Variants in CCDC142 observed in about 807,000 individuals in gnomAD.
CCDC142 encodes the protein coiled-coil domain containing 142, also known as coiled-coil domain-containing protein 142.
Under a neutral mutation model 83.8 loss-of-function variants are expected in CCDC142, and 67 were observed. The observed-to-expected ratio is 0.80, with a 90% CI of 0.66 to 0.98. The LOEUF (loss-of-function observed/expected upper bound fraction) is 0.98. Ranked by LOEUF, CCDC142 falls within the 50% of genes least tolerant of loss-of-function variation. CCDC142 has a pLI of 0.00. For synonymous variants in CCDC142, 421 were observed against 421.2 expected, an observed-to-expected ratio of 1.00 and a Z score of 0.01; for missense variants, 905 against 946.8, an observed-to-expected ratio of 0.96 and a Z score of 0.58.
chr2:74,480,646 G>T, intron 5 of CCDC142, 123 bp downstream of exon 5: 4 of 536,960 alleles, frequency 7.4e-6, no homozygotes, highest in Non-Finnish European at 1.3e-5. Context: ...AGCAAAAAAA[G>T]ATACATTTAG....
chr2:74,482,846 G>T lies in CCDC142; in HGVS notation c.-9C>A. The stretch of plus-strand genomic sequence containing the variant: ...CGAGACGCCTGGGCCATGGGGCGGC[G>T]GGTCCAGAACGAACCTAACGATTCC... On this transcript the variant is annotated 5_prime_UTR_variant, in exon 1 of 9. Transcript: ENST00000393965. This position sits in a 1 kb window ranked among gnomAD's most constrained non-coding sequence, Gnocchi z 5.0. 6.3e-7 allele frequency: 1 copy of T among 1,595,694 alleles called. No homozygotes were observed.
In CCDC142 at chr2:74,482,698, G is replaced by T; in HGVS notation, c.140C>A (p.Pro47Gln). The change falls in exon 1 of 9, where the codon CCG becomes CAG. Residue 47 changes from proline (P) to glutamine (Q), a missense_variant. Coordinates refer to ENST00000393965, the MANE Select transcript of CCDC142 (RefSeq NM_001365575.2). The surrounding 1 kb of genome is among the most constrained non-coding windows in gnomAD (Gnocchi z 5.0). Reference protein sequence around the residue: ...GGLRWEVHCWPSGTSGGTPWW... With the variant: ...GGLRWEVHCWQSGTSGGTPWW... ...CGGCGTCCCTCCAGAAGTTCCGCTC[G>T]GCCAGCAGTGAACCTCCCAGCGAAG... 6.2e-7 allele frequency: 1 copy of T among 1,609,028 alleles called. No homozygotes were observed. Among genetic ancestry groups the T allele is most frequent in the African/African-American group, 1.3e-5 (1 of 75,068 alleles).
intron 5 of CCDC142, among the ~76,000 whole-genome samples, chr2:74,479,150 C>T (rs1168921315): frequency 6.6e-6 from 1 of 151,336 alleles, no homozygotes; most frequent in Non-Finnish European, 1.5e-5. Context: ...GCCAAGATCA[C>T]ATAACTGCAC....
chr2:74,481,781 A>C, intron 1 of CCDC142, 36 bp downstream of exon 1: 2 of 1,580,756 alleles, frequency 1.3e-6, no homozygotes, highest in Non-Finnish European at 8.6e-7. Flanking sequence ...AAGAGACCCC[A>C]GCCTTCCCAA....
rs781518911 is a variant in CCDC142 at position 74,481,097 on chromosome 2, G to T, written c.1259-11C>A. On this transcript the variant is annotated splice_polypyrimidine_tract_variant and intron_variant, in intron 3 of 8. Transcript: ENST00000393965. Reference sequence around the variant, plus strand: ...CGACAGGCGCAGGATCTGGGGATTTGAGCAGCAGAGTGAGTATCTTAGGGG... The same window carrying T: ...CGACAGGCGCAGGATCTGGGGATTTTAGCAGCAGAGTGAGTATCTTAGGGG... 4 of 1,609,338 alleles carry T rather than the reference G, an allele frequency of 2.5e-6. No individual in the cohort carries two copies. The highest frequency in any genetic ancestry group is 1.3e-5 in the African/African-American group (1 of 74,824).
Position 74,474,904 on chromosome 2 carries a change from G to C in CCDC142, c.1996+12C>G. 1 of 1,586,764 alleles carries C rather than the reference G, an allele frequency of 6.3e-7. No individual in the cohort carries two copies. On this transcript the variant is annotated intron_variant, in intron 8 of 8. Coordinates refer to ENST00000393965, the MANE Select transcript of CCDC142 (RefSeq NM_001365575.2). ...GGACACACAAAGCAGTGAGCGAAGGGGAGTAACTCACAGCAACAGGGGGGC... is the reference window on the plus strand; with the variant it reads ...GGACACACAAAGCAGTGAGCGAAGGCGAGTAACTCACAGCAACAGGGGGGC...
intron 5 of CCDC142, 125 bp downstream of exon 5, chr2:74,480,644 A>C (rs912906545): frequency 1.6e-6 from 1 of 635,358 alleles, no homozygotes. Context: ...AGAGCAAAAA[A>C]AGATACATTT....
intron 5 of CCDC142, among the ~76,000 whole-genome samples, chr2:74,477,152 CT>C (rs1672343098): frequency 6.6e-6 from 1 of 151,490 alleles, no homozygotes; most frequent in African/African-American, 2.4e-5. Flanking sequence ...AAGTTTCGCT[CT>C]TATTGCCCAG....
rs762168417 is a variant in CCDC142 at position 74,475,647 on chromosome 2, G to C, written c.1583C>G (p.Pro528Arg). 5 of 1,613,970 alleles carry C rather than the reference G, an allele frequency of 3.1e-6. No homozygotes were observed. The highest frequency in any genetic ancestry group is 4.2e-6 in the Non-Finnish European group (5 of 1,180,004). Residue 528 changes from proline to arginine, a missense_variant, in exon 6 of 9, where the codon CCA (proline) becomes CGA (arginine). This residue lies in a region of CCDC142 where 265 missense variants were observed against 288.9 expected (regional missense o/e 0.92). Transcript: ENST00000393965. ...ACGAAGCCGCCAGTACCGACCCCGT[G>C]GCATGTAGAGCTTGAAACCTTGCAT... The part of the protein sequence containing the change: ...QAMQGFKLYM[P>R]RGRYWRLRLC...
intron 5 of CCDC142, among the ~76,000 whole-genome samples, chr2:74,479,025 CA>C (rs56291332): frequency 0.023 from 1,429 of 62,102 alleles, 15 homozygotes; most frequent in African/African-American, 0.045. Context: ...GACACCTTCT[CA>C]AAAAAAAAAA....
At position 74,482,548 on chromosome 2, in the gene CCDC142, C is replaced by G. The variant is rs878885496; in HGVS notation, c.290G>C (p.Arg97Pro). Residue 97 changes from arginine (R) to proline (P), a missense_variant, in exon 1 of 9, where the codon CGG (arginine) becomes CCG (proline). Physicochemically the swap from Arg to Pro is moderately radical, Grantham distance 103. Around this residue, in one of 3 missense-constraint regions of CCDC142, gnomAD observed 591 missense variants for 571.4 expected, o/e 1.03. Transcript: ENST00000393965. This position sits in a 1 kb window ranked among gnomAD's most constrained non-coding sequence, Gnocchi z 5.0. ...ALQRLRAVLLRLHREREQLLQ... is the reference protein window; with the variant it reads ...ALQRLRAVLLPLHREREQLLQ... The stretch of plus-strand genomic sequence containing the variant: ...GAGCTGCTCCCGCTCGCGATGCAGC[C>G]GCAGCAACACCGCCCGGAGACGCTG... 6.3e-7 allele frequency: 1 copy of G among 1,597,520 alleles called. No homozygotes were observed.
Position 74,482,139 on chromosome 2 carries a change from G to C in CCDC142, c.699C>G (p.Ser233=), listed in dbSNP as rs748576631. ...VPGAARPFPT[S]RVLRLLTGER... is the part of the protein sequence containing the mutation. ...CCCCCGTCAAGAGGCGGAGCACACG[G>C]GACGTGGGGAAAGGACGTGCGGCCC... Residue 233 remains serine (S), a synonymous_variant, in exon 1 of 9, where the codon TCC becomes TCG. Transcript: ENST00000393965. The surrounding 1 kb of genome is among the most constrained non-coding windows in gnomAD (Gnocchi z 5.0). 2 of 1,613,722 alleles carry C rather than the reference G, an allele frequency of 1.2e-6. No individual in the cohort carries two copies.
Position 74,482,857 on chromosome 2 carries a change from G to A in CCDC142, c.-20C>T, listed in dbSNP as rs757912033. ...GGCCATGGGGCGGCGGGTCCAGAAC[G>A]AACCTAACGATTCCCACTTCCCTGC... is the stretch of plus-strand genomic sequence containing the variant. On this transcript the variant is annotated 5_prime_UTR_variant, in exon 1 of 9. Coordinates refer to ENST00000393965, the MANE Select transcript of CCDC142 (RefSeq NM_001365575.2). The surrounding 1 kb of genome is among the most constrained non-coding windows in gnomAD (Gnocchi z 5.0). The A allele has an allele frequency of 3.1e-6, 5 of 1,589,560 alleles. No individual in the cohort carries two copies. Among genetic ancestry groups the A allele is most frequent in the Non-Finnish European group, 4.3e-6 (5 of 1,174,348 alleles).
intron 1 of CCDC142, 96 bp from the exon 2 acceptor site, chr2:74,481,634 A>C: frequency 7.1e-7 from 1 of 1,400,230 alleles, no homozygotes. Flanking sequence ...TGCTTCCTCC[A>C]AGACTCGGGA....
At chr2:74,476,090 CACACACACACACAGAG>C (rs1672318981) in intron 5 of CCDC142, among the ~76,000 whole-genome samples, 1 of 143,968 alleles carries the variant, frequency 6.9e-6, no homozygotes, top group East Asian at 2.0e-4. Flanking sequence ...CACACACACA[CACACACACACACAGAG>C]CATATGCCAG....
At position 74,475,412 on chromosome 2, in the gene CCDC142, A is replaced by G; in HGVS notation, c.1619-10T>C. On this transcript the variant is annotated splice_polypyrimidine_tract_variant and intron_variant, in intron 6 of 8. Coordinates refer to ENST00000393965, the MANE Select transcript of CCDC142 (RefSeq NM_001365575.2). ...GGAGCACTGGGAGGTTCTGGAATAG[A>G]GAAGACAGAATATAAGGCTGTGGAG... The G allele has an allele frequency of 6.4e-7, 1 of 1,565,642 alleles. No individual in the cohort carries two copies. Among genetic ancestry groups the G allele is most frequent in the Non-Finnish European group, 8.6e-7 (1 of 1,156,516 alleles).
At position 74,474,778 on chromosome 2, in the gene CCDC142, G is replaced by C; in HGVS notation, c.2021C>G (p.Thr674Arg). 6.2e-7 allele frequency: 1 copy of C among 1,612,484 alleles called. No homozygotes were observed. The highest frequency in any genetic ancestry group is 8.5e-7 in the Non-Finnish European group (1 of 1,178,964). Reference protein sequence around the residue: ...CCCACQEVQTTKLPSSCLNSL... With the variant: ...CCCACQEVQTRKLPSSCLNSL... ...ATTGAGGCAGCTGCTGGGCAATTTC[G>C]TGGTCTGGACCTCCTGACAAGCACC... is the stretch of plus-strand genomic sequence containing the variant. Residue 674 changes from threonine (T) to arginine (R), a missense_variant, in exon 9 of 9, where the codon ACG becomes AGG. Physicochemically the swap from Thr to Arg is moderately conservative, Grantham distance 71. This residue lies in a region of CCDC142 where 265 missense variants were observed against 288.9 expected (regional missense o/e 0.92). Coordinates refer to ENST00000393965, the MANE Select transcript of CCDC142 (RefSeq NM_001365575.2).
intron 5 of CCDC142, among the ~76,000 whole-genome samples, chr2:74,478,382 G>GT (rs1409512930): frequency 1.7e-4 from 24 of 142,182 alleles, no homozygotes; most frequent in South Asian, 2.2e-4. Flanking sequence ...TTTGTTTTCT[G>GT]TTTTTTTTTT....
In CCDC142 at chr2:74,480,728, A is replaced by G. The variant is rs527566494; in HGVS notation, c.1503+41T>C. 1.2e-5 allele frequency: 17 copies of G among 1,424,314 alleles called. No homozygotes were observed. In the South Asian group the frequency reaches 1.9e-4, roughly 16 times the overall value. The allele number at this position is 1,424,314 out of a possible 1,614,324, so 88.2% of individuals were successfully genotyped here. On this transcript the variant is annotated intron_variant, in intron 5 of 8. Coordinates refer to ENST00000393965, the MANE Select transcript of CCDC142 (RefSeq NM_001365575.2). ...CCACCCCCGATACTTGGCACAGAAC[A>G]TAGGGTCTTACACTGCCACTGTTGA...
Sources: gnomAD v4.1 joint callset for allele counts (sites outside exome capture counted in the v4.1 genomes callset) on GRCh38, gnomAD v4.1.1 for gene constraint, gnomAD v4.1.1 regional missense constraint, Gnocchi (gnomAD v3.1) non-coding constraint, MANE v1.5 for transcripts, NCBI Gene and HGNC (gene_info 2026-07-23, HGNC 2026-07-21) for gene names.